Variants in AGRN observed in about 807,000 individuals in gnomAD.
The protein encoded by AGRN is agrin proteoglycan.
In AGRN, 106 loss-of-function variants were observed where a neutral mutation model predicts 211.0. The ratio of observed to expected loss-of-function variants is 0.50; its 90% CI spans 0.43 to 0.59. AGRN has a LOEUF of 0.59. AGRN is among the 20% of genes least tolerant of loss of function. The pLI is 0.00. For missense variants in AGRN, 3,040 were observed against 2,982.6 expected (o/e 1.02, Z -0.45); for synonymous variants, 1,525 against 1,332.5 (o/e 1.14, Z -3.15).
intron 35 of AGRN, 65 bp downstream of exon 35, chr1:1,054,616 C>G: frequency 6.5e-7 from 1 of 1,533,542 alleles, no homozygotes; most frequent in Non-Finnish European, 8.8e-7. Flanking sequence ...GGGACAGACT[C>G]CACCCCCCAG....
Position 1,055,133 on chromosome 1 carries a change from G to A in AGRN, c.*152G>A. 1 of 1,293,842 alleles carries A rather than the reference G, an allele frequency of 7.7e-7. No individual in the cohort carries two copies. The highest frequency in any genetic ancestry group is 1.1e-6 in the Non-Finnish European group (1 of 934,808). The allele number at this position is 1,293,842 out of a possible 1,614,324, so 80.1% of individuals were successfully genotyped here. A position where few individuals can be genotyped will look rare whatever the true frequency, so the allele number is the denominator to read the frequency against. On this transcript the variant is annotated 3_prime_UTR_variant, in exon 36 of 36. Transcript: ENST00000379370. ...GGCAGCCGTGCTGCAGACAGACCTA[G>A]TGCCGAGGGATGGACAGGCGAGGTG...
intron 33 of AGRN, 30 bp from the exon 34 acceptor site, chr1:1,053,723 A>G (rs1645374993): frequency 6.4e-7 from 1 of 1,567,748 alleles, no homozygotes; most frequent in Non-Finnish European, 8.6e-7. Context: ...CCACCTTCCT[A>G]GAGGCCCTGA....
chr1:1,034,967 G>T lies in AGRN; in HGVS notation c.464-310G>T, dbSNP rs1287717127. 4.3e-5 allele frequency: 22 copies of T among 505,844 alleles called. No homozygotes were observed. The East Asian group carries it at 7.0e-4, about 16-fold the overall frequency. The allele number at this position is 505,844 out of a possible 1,614,324, so 31.3% of individuals were successfully genotyped here. A position where few individuals can be genotyped will look rare whatever the true frequency, so the allele number is the denominator to read the frequency against. On this transcript the variant is annotated intron_variant, in intron 2 of 35. Coordinates refer to ENST00000379370, the MANE Select transcript of AGRN (RefSeq NM_198576.4). ...CTACACTGAGAGCCGGCAGTTGGGGGTAGGGCAGGACCTGCGGTGGACTCT... is the reference window on the plus strand; with the variant it reads ...CTACACTGAGAGCCGGCAGTTGGGGTTAGGGCAGGACCTGCGGTGGACTCT...
In AGRN at chr1:1,047,365, G is replaced by A. The variant is rs745872884; in HGVS notation, c.3427G>A (p.Val1143Ile). 1.4e-5 allele frequency: 23 copies of A among 1,609,612 alleles called. No homozygotes were observed. Among genetic ancestry groups the A allele is most frequent in the Admixed American group, 5.0e-5 (3 of 59,520 alleles). The change falls in exon 20 of 36, where the codon GTC (valine) becomes ATC (isoleucine). Residue 1143 changes from valine to isoleucine, a missense_variant. Coordinates refer to ENST00000379370, the MANE Select transcript of AGRN (RefSeq NM_198576.4). ...CCAGGGCGTCCTGGAGCTGGAGGGC[G>A]TCGAGGGCCAGGAGCTGTTCTACAC... is the stretch of plus-strand genomic sequence containing the variant. ...VFQGVLELEG[V>I]EGQELFYTPE...
Position 1,043,420 on chromosome 1 carries a change from C to T in AGRN, c.1566C>T (p.Leu522=), listed in dbSNP as rs375687903. The change falls in exon 8 of 36, where the codon CTC becomes CTT. Residue 522 remains leucine (L), a synonymous_variant. Transcript: ENST00000379370. ...ACELEATACT[L]GREIQVARKG... is the part of the protein sequence containing the mutation. ...AGCTGGAGGCCACGGCCTGTACCCTCGGGCGGGAGATCCAGGTGGCGCGCA... is the reference window on the plus strand; with the variant it reads ...AGCTGGAGGCCACGGCCTGTACCCTTGGGCGGGAGATCCAGGTGGCGCGCA... The T allele has an allele frequency of 9.1e-5, 147 of 1,607,202 alleles. No homozygotes were observed. Among genetic ancestry groups the T allele is most frequent in the Admixed American group, 1.9e-4 (11 of 59,234 alleles).
At position 1,048,432 on chromosome 1, in the gene AGRN, C is replaced by A. The variant is rs1557715139; in HGVS notation, c.4105+67C>A. On this transcript the variant is annotated intron_variant, in intron 23 of 35. Coordinates refer to ENST00000379370, the MANE Select transcript of AGRN (RefSeq NM_198576.4). The surrounding 1 kb of genome is among the most constrained non-coding windows in gnomAD (Gnocchi z 5.9). ...GTGGGGGCAAGGATTGGGGGTGGGG[C>A]TAAGCCACCATCAGGCTTTGAGTTG... The A allele has an allele frequency of 2.5e-6, 3 of 1,216,928 alleles. No individual in the cohort carries two copies. The highest frequency in any genetic ancestry group is 2.9e-5 in the Admixed American group (1 of 33,988). The allele number at this position is 1,216,928 out of a possible 1,614,324, so 75.4% of individuals were successfully genotyped here.
chr1:1,029,980 CAT>C (rs1491336917), intron 2 of AGRN, among the ~76,000 whole-genome samples: 1 of 24,408 alleles, frequency 4.1e-5, no homozygotes, highest in South Asian at 3.5e-3. Flanking sequence ...GTGAGATCAG[CAT>C]GTGTGTGTGT....
intron 3 of AGRN, 33 bp from the exon 4 acceptor site, chr1:1,040,632 G>A (rs565252874): frequency 8.1e-5 from 125 of 1,545,712 alleles, no homozygotes; most frequent in East Asian, 1.7e-4. Context: ...CGGGCGTCTC[G>A]GCACCCTGAG....
intron 2 of AGRN, among the ~76,000 whole-genome samples, chr1:1,027,128 G>A (rs905428261): frequency 5.9e-5 from 9 of 152,232 alleles, no homozygotes; most frequent in African/African-American, 2.2e-4. Flanking sequence ...GCCCCTCCCA[G>A]CCCCCTCCTC....
At chr1:1,039,401 T>A (rs984886370) in intron 3 of AGRN, among the ~76,000 whole-genome samples, 2 of 56,362 alleles carry the variant, frequency 3.5e-5, no homozygotes, top group African/African-American at 8.9e-5. Flanking sequence ...GCACCCACCC[T>A]CCTTGGAGAT....
rs1194105483 is a variant in AGRN at position 1,020,267 on chromosome 1, C to G, written c.95C>G (p.Pro32Arg). The change falls in exon 1 of 36, where the codon CCG becomes CGG. Residue 32 changes from proline to arginine, a missense_variant. Pro to Arg is a moderately radical substitution (Grantham distance 103). Around this residue, in one of 3 missense-constraint regions of AGRN, gnomAD observed 1,498 missense variants for 1,457.8 expected, o/e 1.03. Transcript: ENST00000379370. ...CTGCCCGGAGCCGGCGGGACATGCC[C>G]GGAGCGCGCGCTGGAGCGGCGCGAG... ...CVLPGAGGTC[P>R]ERALERREEE... 3.4e-6 allele frequency: 5 copies of G among 1,467,974 alleles called. No individual in the cohort carries two copies. Among genetic ancestry groups the G allele is most frequent in the Non-Finnish European group, 4.5e-6 (5 of 1,109,912 alleles). 90.9% of individuals were successfully genotyped at this position (1,467,974 alleles called of 1,614,324 possible).
At position 1,046,232 on chromosome 1, in the gene AGRN, C is replaced by A. The variant is rs1404389582; in HGVS notation, c.2878C>A (p.Gln960Lys). 2 of 1,613,626 alleles carry A rather than the reference C, an allele frequency of 1.2e-6. No homozygotes were observed. The highest frequency in any genetic ancestry group is 1.1e-5 in the South Asian group (1 of 91,080). Residue 960 changes from glutamine (Q) to lysine (K), a missense_variant, in exon 17 of 36, where the codon CAA becomes AAA. This residue lies in a region of AGRN where 1,498 missense variants were observed against 1,457.8 expected (regional missense o/e 1.03). Coordinates refer to ENST00000379370, the MANE Select transcript of AGRN (RefSeq NM_198576.4). ...LKTIACRQGL[Q>K]ISIQSLGPCQ... is the part of the protein sequence containing the mutation. ...GACCATCGCCTGCCGCCAGGGCCTG[C>A]AAATCTCTATCCAGAGCCTGGGCCC...
chr1:1,034,618 AG>A, intron 2 of AGRN: 1 of 986,688 alleles, frequency 1.0e-6, no homozygotes, highest in South Asian at 4.7e-5. Flanking sequence ...TGCTGGTGCG[AG>A]GCTTCATGGT....
At chr1:1,047,205 T>C (rs1285984412) in intron 19 of AGRN, 122 bp from the exon 20 acceptor site, 11 of 1,478,016 alleles carry the variant, frequency 7.4e-6, no homozygotes, top group Non-Finnish European at 9.9e-6. Context: ...ACTAACCTCA[T>C]GACCATCTGA....
rs775804196 is a variant in AGRN, at chr1:1,046,274, T to A, written c.2911+9T>A. ...CCTGGGCCCGTGCCAGGGTGAGGCC[T>A]GACGGCCACTGCCCCAGAACTGACC... On this transcript the variant is annotated intron_variant, in intron 17 of 35. Coordinates refer to ENST00000379370, the MANE Select transcript of AGRN (RefSeq NM_198576.4). 2.0e-5 allele frequency: 32 copies of A among 1,612,904 alleles called. No homozygotes were observed. The highest frequency in any genetic ancestry group is 2.5e-5 in the Non-Finnish European group (30 of 1,179,936).
intron 3 of AGRN, among the ~76,000 whole-genome samples, chr1:1,039,608 C>T (rs115049241): frequency 0.022 from 3,391 of 152,186 alleles, 87 homozygotes; most frequent in African/African-American, 0.063. Context: ...GATGGGCTGC[C>T]GCAGGGGCTC....
In AGRN at chr1:1,044,219, G is replaced by A; in HGVS notation, c.2110G>A (p.Val704Ile). 1 of 1,613,100 alleles carries A rather than the reference G, an allele frequency of 6.2e-7. No individual in the cohort carries two copies. The highest frequency in any genetic ancestry group is 1.3e-5 in the African/African-American group (1 of 75,026). The change falls in exon 11 of 36, where the codon GTC (valine) becomes ATC (isoleucine). Residue 704 changes from valine to isoleucine, a missense_variant. Val to Ile is a conservative substitution (Grantham distance 29). Coordinates refer to ENST00000379370, the MANE Select transcript of AGRN (RefSeq NM_198576.4). ...WDEDSEDGPC[V>I]CDFSCQSVPG... Reference sequence around the variant, plus strand: ...CGAGGACTCGGAGGACGGGCCGTGTGTCTGTGACTTCAGCTGCCAGAGTGT... The same window carrying A: ...CGAGGACTCGGAGGACGGGCCGTGTATCTGTGACTTCAGCTGCCAGAGTGT...
chr1:1,043,941 C>A lies in AGRN; in HGVS notation c.1917C>A (p.Tyr639Ter). ...TGTGTGGCAGCGACGGTGTCACCTACGGCAGTGCCTGCGAGCTACGGGAAG... is the reference window on the plus strand; with the variant it reads ...TGTGTGGCAGCGACGGTGTCACCTAAGGCAGTGCCTGCGAGCTACGGGAAG... ...GPVCGSDGVT[Y>*]GSACELREAA... Residue 639 changes from tyrosine to a stop codon, truncating the protein, a stop_gained, in exon 10 of 36, where the codon TAC becomes TAA. Coordinates refer to ENST00000379370, the MANE Select transcript of AGRN (RefSeq NM_198576.4). LOFTEE classifies it high-confidence loss of function. 6.2e-7 allele frequency: 1 copy of A among 1,607,934 alleles called. No individual in the cohort carries two copies. Among genetic ancestry groups the A allele is most frequent in the Non-Finnish European group, 8.5e-7 (1 of 1,179,242 alleles).
At chr1:1,033,590 C>T (rs1462499442) in intron 2 of AGRN, among the ~76,000 whole-genome samples, 2 of 149,860 alleles carry the variant, frequency 1.3e-5, no homozygotes, top group African/African-American at 2.5e-5. Flanking sequence ...CTGCCCTCGA[C>T]TCAATCCCAG....
Sources: allele counts gnomAD v4.1 joint callset (sites outside exome capture counted in the v4.1 genomes callset), GRCh38; gene constraint gnomAD v4.1.1; regional missense constraint gnomAD v4.1.1; non-coding constraint Gnocchi (gnomAD v3.1); transcripts MANE v1.5; gene names NCBI Gene and HGNC (gene_info 2026-07-23, HGNC 2026-07-21).